Variants in CHM observed in about 807,000 individuals in gnomAD.
CHM encodes the protein CHM Rab escort protein.
A neutral mutation model predicts 49.0 loss-of-function variants in CHM; 10 were observed. The ratio of observed to expected loss-of-function variants is 0.20; its 90% CI spans 0.13 to 0.35. The LOEUF (loss-of-function observed/expected upper bound fraction) is 0.35, where lower values mean the gene tolerates loss of function less well. Ranked by LOEUF, CHM falls within the 10% of genes least tolerant of loss-of-function variation. CHM has a pLI of 1.00. For missense variants in CHM, 455 were observed against 478.4 expected, an observed-to-expected ratio of 0.95 and a Z score of 0.46; for synonymous variants, 184 against 167.5, an observed-to-expected ratio of 1.10 and a Z score of -0.76.
chrX:85,881,093 G>A (rs1924733106), intron 12 of CHM, among the ~76,000 whole-genome samples: 1 of 110,133 alleles, frequency 9.1e-6, no homozygotes, highest in Non-Finnish European at 1.9e-5. Flanking sequence ...TTTACTTAGA[G>A]TGGGTATTCA....
rs748322160 is a variant in CHM, at chrX:86,038,306, T to C, written c.49+9178A>G. ...TATCTGATGGCTTCCTCCGCCCTACTGTTTCACTACAGACTAAGGCATAAG... is the reference window on the plus strand; with the variant it reads ...TATCTGATGGCTTCCTCCGCCCTACCGTTTCACTACAGACTAAGGCATAAG... On this transcript the variant is annotated intron_variant, in intron 1 of 14. Coordinates refer to ENST00000357749, the MANE Select transcript of CHM (RefSeq NM_000390.4). Among the ~76,000 whole-genome samples the C allele has an allele frequency of 1.4e-4, 16 of 112,089 alleles. No individual in the cohort carries two copies. The South Asian group carries it at 4.9e-3, about 34-fold the overall frequency.
intron 13 of CHM, among the ~76,000 whole-genome samples, chrX:85,873,673 C>A (rs1924245229): frequency 9.0e-6 from 1 of 110,700 alleles, no homozygotes; most frequent in African/African-American, 3.3e-5. Context: ...TATGACGTTT[C>A]TTTTGGGGTG....
At chrX:85,990,614 A>G (rs1373220982) in intron 2 of CHM, among the ~76,000 whole-genome samples, 1 of 111,768 alleles carries the variant, frequency 8.9e-6, no homozygotes, top group Non-Finnish European at 1.9e-5. Context: ...AACACTAATC[A>G]AGAAGATAAT....
intron 14 of CHM, among the ~76,000 whole-genome samples, chrX:85,872,815 A>C (rs1924167218): frequency 8.9e-6 from 1 of 111,930 alleles, no homozygotes; most frequent in Non-Finnish European, 1.9e-5. Flanking sequence ...CCCACGATGG[A>C]ACTCATAAAA....
At chrX:86,039,656 C>T (rs138686631) in intron 1 of CHM, among the ~76,000 whole-genome samples, 6 of 110,605 alleles carry the variant, frequency 5.4e-5, no homozygotes, top group African/African-American at 9.9e-5. Context: ...GAAACCATGA[C>T]GCAAAGTGAG....
rs189910500 is a variant in CHM at position 85,931,449 on chromosome X, T to A, written c.1167-20111A>T. Among the ~76,000 whole-genome samples, 15 of 112,188 alleles carry A rather than the reference T, an allele frequency of 1.3e-4. No individual in the cohort carries two copies. The East Asian group carries it at 4.2e-3, about 31-fold the overall frequency. On this transcript the variant is annotated intron_variant, in intron 8 of 14. Transcript: ENST00000357749. ...AGAGATATAGTTCACATATCTTAGA[T>A]ACTATTTTTTCATCCAAACAAGAAA...
At chrX:86,032,150 G>T (rs1934068204) in intron 1 of CHM, among the ~76,000 whole-genome samples, 1 of 112,072 alleles carries the variant, frequency 8.9e-6, no homozygotes, top group Non-Finnish European at 1.9e-5. Flanking sequence ...GAGGCATTTA[G>T]ATGAAACATG....
intron 8 of CHM, among the ~76,000 whole-genome samples, chrX:85,912,568 TCTCC>T (rs2148170920): frequency 9.0e-6 from 1 of 111,533 alleles, no homozygotes; most frequent in South Asian, 3.8e-4. Context: ...AAAAATGCAC[TCTCC>T]CATTAAGATG....
intron 12 of CHM, among the ~76,000 whole-genome samples, chrX:85,880,870 C>G (rs760774823): frequency 4.7e-4 from 52 of 111,359 alleles, no homozygotes; most frequent in African/African-American, 1.7e-3. Flanking sequence ...TACTTTTTCC[C>G]CTTACCGTTC....
intron 13 of CHM, among the ~76,000 whole-genome samples, chrX:85,873,961 T>C (rs748462582): frequency 1.2e-4 from 13 of 111,655 alleles, no homozygotes; most frequent in Non-Finnish European, 1.9e-4. Flanking sequence ...ACATGTTCTC[T>C]CATTTAAGAG....
chrX:85,907,715 A>G (rs1354242217), intron 9 of CHM, among the ~76,000 whole-genome samples: 3 of 112,153 alleles, frequency 2.7e-5, no homozygotes, highest in Non-Finnish European at 5.6e-5. Flanking sequence ...TATAATCACC[A>G]CATTAAACTC....
chrX:85,959,542 A>C (rs1930187706), intron 5 of CHM, among the ~76,000 whole-genome samples: 1 of 111,534 alleles, frequency 9.0e-6, no homozygotes, highest in African/African-American at 3.3e-5. Context: ...ATTTACACTG[A>C]AAAAGTCAAA....
rs756832115 is a variant in CHM, at chrX:85,956,353, T to A, written c.966A>T (p.Glu322Asp). Residue 322 changes from glutamate (E) to aspartate (D), a missense_variant, in exon 8 of 15, where the codon GAA becomes GAT. Transcript: ENST00000357749. ...YKGYEEITFY[E>D]YLKTQKLTPN... ...GGGTTAATTTTTGAGTCTTTAAATA[T>A]TCATAAAATGTGATCTCTTCATATC... The A allele has an allele frequency of 8.3e-6, 10 of 1,210,459 alleles. No individual in the cohort carries two copies. Among genetic ancestry groups the A allele is most frequent in the Non-Finnish European group, 1.1e-5 (10 of 894,666 alleles).
At chrX:85,936,648 A>G (rs1454365402) in intron 8 of CHM, among the ~76,000 whole-genome samples, 1 of 112,539 alleles carries the variant, frequency 8.9e-6, no homozygotes, top group Non-Finnish European at 1.9e-5. Context: ...CTTCCAAAGT[A>G]GAAGGTAAAC....
intron 2 of CHM, among the ~76,000 whole-genome samples, chrX:86,022,052 G>A (rs1933628975): frequency 8.9e-6 from 1 of 111,859 alleles, no homozygotes; most frequent in East Asian, 2.8e-4. Context: ...GGGAATTATT[G>A]TTGAATGGGT....
intron 14 of CHM, among the ~76,000 whole-genome samples, chrX:85,869,480 C>T (rs1453633612): frequency 9.0e-6 from 1 of 110,999 alleles, no homozygotes; most frequent in African/African-American, 3.3e-5. Flanking sequence ...TATATCTTGT[C>T]ATGCACCACC....
At chrX:85,902,835 C>G (rs1263697338) in intron 9 of CHM, among the ~76,000 whole-genome samples, 1 of 111,591 alleles carries the variant, frequency 9.0e-6, no homozygotes, top group East Asian at 2.8e-4. Context: ...TAAGCACTGA[C>G]AAATCTTTTT....
At chrX:85,887,375 C>T (rs1012445086) in intron 12 of CHM, among the ~76,000 whole-genome samples, 6 of 111,745 alleles carry the variant, frequency 5.4e-5, no homozygotes, top group African/African-American at 2.0e-4. Flanking sequence ...ACATGACTTG[C>T]TCCTTGATTC....
chrX:85,977,179 C>T (rs190623753), intron 4 of CHM, among the ~76,000 whole-genome samples: 6 of 111,983 alleles, frequency 5.4e-5, no homozygotes, highest in Non-Finnish European at 9.4e-5. Context: ...ATTTTCTGTA[C>T]TTTCTCTACT....
Sources: allele counts gnomAD v4.1 joint callset (sites outside exome capture counted in the v4.1 genomes callset), GRCh38; gene constraint gnomAD v4.1.1; transcripts MANE v1.5; gene names NCBI Gene and HGNC (gene_info 2026-07-23, HGNC 2026-07-21).